DYM: variants seen among roughly 807,000 people sequenced by gnomAD.
The protein encoded by DYM is dymeclin.
DYM carries 78 observed loss-of-function variants against 93.1 expected under a neutral mutation model. The observed-to-expected ratio is 0.84, with a 90% CI of 0.70 to 1.01. The LOEUF is 1.01. Among genes scored for constraint, DYM ranks in the 50% least tolerant of loss-of-function variants. The pLI, the probability that DYM is intolerant of heterozygous loss-of-function variation, is 0.00. For synonymous variants in DYM, 321 were observed against 319.7 expected (o/e 1.00, Z -0.04); for missense variants, 789 against 845.0 (o/e 0.93, Z 0.82).
chr18:49,071,489 A>G (rs1281928862), intron 17 of DYM, among the ~76,000 whole-genome samples: 1 of 152,244 alleles, frequency 6.6e-6, no homozygotes, highest in East Asian at 1.9e-4. Context: ...ATGAACAGAG[A>G]AGACGATTCA....
chr18:49,164,404 C>T (rs191706315), intron 14 of DYM, among the ~76,000 whole-genome samples: 8 of 151,978 alleles, frequency 5.3e-5, no homozygotes, highest in Non-Finnish European at 1.0e-4. Context: ...GATTATAATC[C>T]CTAACAAAAG....
chr18:49,209,767 G>C (rs1600673064), intron 13 of DYM, 52 bp from the exon 14 acceptor site: 1 of 1,119,288 alleles, frequency 8.9e-7, no homozygotes, highest in Non-Finnish European at 1.1e-6. Flanking sequence ...GTTTTCCTTT[G>C]AAAAAATAAA....
chr18:49,307,303 T>G (rs1030255365), intron 8 of DYM, among the ~76,000 whole-genome samples: 1 of 152,086 alleles, frequency 6.6e-6, no homozygotes, highest in East Asian at 1.9e-4. Flanking sequence ...CCTTTTCTTT[T>G]GTTGCTTCAC....
At chr18:49,386,734 T>A (rs2068661177) in intron 3 of DYM, among the ~76,000 whole-genome samples, 1 of 152,140 alleles carries the variant, frequency 6.6e-6, no homozygotes, top group African/African-American at 2.4e-5. Context: ...GAGTGAAGGG[T>A]GTAGTTTAGT....
chr18:49,423,252 G>A lies in DYM; in HGVS notation c.140+7003C>T, dbSNP rs369598934. Among the ~76,000 whole-genome samples the A allele has an allele frequency of 9.1e-4, 138 of 152,118 alleles. 1 individual carries two copies. In the South Asian group the frequency reaches 0.014, roughly 15 times the overall value. On this transcript the variant is annotated intron_variant, in intron 2 of 17. Coordinates refer to ENST00000675505, the MANE Select transcript of DYM (RefSeq NM_001353214.3). ...AGGATTAAGAAACTCACTCAAAACC[G>A]CTCAACTACATGGAAACTGAACAAC...
intron 13 of DYM, among the ~76,000 whole-genome samples, chr18:49,234,394 T>C (rs561752277): frequency 6.6e-5 from 10 of 151,894 alleles, no homozygotes; most frequent in South Asian, 4.2e-4. Context: ...GAAGGGGAGA[T>C]TGCGGTGAGC....
At chr18:49,199,776 C>A (rs1183034998) in intron 14 of DYM, among the ~76,000 whole-genome samples, 1 of 152,108 alleles carries the variant, frequency 6.6e-6, no homozygotes, top group African/African-American at 2.4e-5. Context: ...TTTGAGGAAA[C>A]TCATTAGAGC....
chr18:49,083,979 C>T (rs2078275775), intron 17 of DYM, among the ~76,000 whole-genome samples: 1 of 151,966 alleles, frequency 6.6e-6, no homozygotes, highest in South Asian at 2.1e-4. Flanking sequence ...ATTGTTTTCT[C>T]TTCATTGATT....
chr18:49,050,198 T>C (rs1011500045), intron 17 of DYM, among the ~76,000 whole-genome samples: 3 of 151,346 alleles, frequency 2.0e-5, no homozygotes, highest in Non-Finnish European at 4.4e-5. Context: ...GCAATTGTCC[T>C]GCCTCGGCCT....
chr18:49,334,643 AAAG>A (rs1467558596), intron 6 of DYM, among the ~76,000 whole-genome samples: 1 of 152,226 alleles, frequency 6.6e-6, no homozygotes. Flanking sequence ...AATAGCACCA[AAAG>A]AATACTAAAA....
intron 8 of DYM, among the ~76,000 whole-genome samples, chr18:49,292,341 C>CAGAG (rs2060177189): frequency 2.1e-5 from 1 of 46,694 alleles, no homozygotes; most frequent in African/African-American, 6.1e-5. Flanking sequence ...GGCAGGCAGA[C>CAGAG]AGACAGACAG....
At chr18:49,361,428 T>G (rs985601688) in intron 6 of DYM, among the ~76,000 whole-genome samples, 2 of 152,258 alleles carry the variant, frequency 1.3e-5, no homozygotes, top group Non-Finnish European at 2.9e-5. Flanking sequence ...TCCAATTATA[T>G]CTCCATGTAG....
intron 15 of DYM, among the ~76,000 whole-genome samples, chr18:49,130,490 G>A (rs183775419): frequency 1.8e-3 from 275 of 152,272 alleles, no homozygotes; most frequent in Middle Eastern, 0.014. Flanking sequence ...TTTATCTTTG[G>A]TAAATTGTCT....
chr18:49,118,971 C>T (rs2082148851), intron 15 of DYM, 45 bp from the exon 16 acceptor site: 4 of 1,526,726 alleles, frequency 2.6e-6, no homozygotes, highest in Non-Finnish European at 3.6e-6. Flanking sequence ...TCTTTTCCTC[C>T]TTGCAACAGA....
chr18:49,195,162 T>C (rs1600521618), intron 14 of DYM, among the ~76,000 whole-genome samples: 1 of 152,234 alleles, frequency 6.6e-6, no homozygotes, highest in Non-Finnish European at 1.5e-5. Flanking sequence ...TATATGTATA[T>C]ATTTTCCCAA....
In DYM at chr18:49,280,890, A is replaced by G. The variant is rs530269619; in HGVS notation, c.1125+1107T>C. Reference sequence around the variant, plus strand: ...GCAATACCATTCAGGACATAGGCATAGGCAAGGACTTCATGTCTAAAACAC... The same window carrying G: ...GCAATACCATTCAGGACATAGGCATGGGCAAGGACTTCATGTCTAAAACAC... On this transcript the variant is annotated intron_variant, in intron 10 of 17. Coordinates refer to ENST00000675505, the MANE Select transcript of DYM (RefSeq NM_001353214.3). Among the ~76,000 whole-genome samples the G allele has an allele frequency of 3.6e-3, 543 of 152,272 alleles. 3 individuals carry two copies. Among genetic ancestry groups the G allele is most frequent in the African/African-American group, 0.012 (493 of 41,560 alleles).
At chr18:49,433,304 T>C (rs1053324525) in intron 1 of DYM, among the ~76,000 whole-genome samples, 2 of 152,222 alleles carry the variant, frequency 1.3e-5, no homozygotes, top group Admixed American at 1.3e-4. Context: ...TAATTTCGTA[T>C]AGACTACAAA....
rs971197374 is a variant in DYM, at chr18:49,332,109, C to T, written c.621-103G>A. ...CTGCCATTAACACTATCTGTTAATACAAAAGGGCTATTGGCACAACTCACA... is the reference window on the plus strand; with the variant it reads ...CTGCCATTAACACTATCTGTTAATATAAAAGGGCTATTGGCACAACTCACA... On this transcript the variant is annotated intron_variant, in intron 7 of 17. Coordinates refer to ENST00000675505, the MANE Select transcript of DYM (RefSeq NM_001353214.3). 18 of 1,193,482 alleles carry T rather than the reference C, an allele frequency of 1.5e-5. No individual in the cohort carries two copies. The African/African-American group carries it at 2.1e-4, about 14-fold the overall frequency. The allele number at this position is 1,193,482 out of a possible 1,614,324, so 73.9% of individuals were successfully genotyped here.
chr18:49,327,417 C>T (rs754064999), intron 8 of DYM, among the ~76,000 whole-genome samples: 7 of 151,914 alleles, frequency 4.6e-5, no homozygotes, highest in Middle Eastern at 3.2e-3. Flanking sequence ...AGTGCGGTGG[C>T]GTGATCACAG....
Sources: allele counts gnomAD v4.1 joint callset (sites outside exome capture counted in the v4.1 genomes callset), GRCh38; gene constraint gnomAD v4.1.1; transcripts MANE v1.5; gene names NCBI Gene and HGNC (gene_info 2026-07-23, HGNC 2026-07-21).